Variants in CCDC12 observed in about 807,000 individuals in gnomAD.
CCDC12 encodes the protein coiled-coil domain-containing protein 12.
CCDC12 carries 28 observed loss-of-function variants against 25.7 expected under a neutral mutation model. The observed-to-expected ratio is 1.09, with a 90% confidence interval of 0.81 to 1.50. CCDC12 has a LOEUF of 1.50. Ranked by LOEUF, CCDC12 falls within the 40% of genes most tolerant of loss-of-function variation. CCDC12 has a pLI of 0.00. For missense variants in CCDC12, 198 were observed against 210.0 expected (o/e 0.94, Z 0.35); for synonymous variants, 75 against 87.7 (o/e 0.86, Z 0.81).
At chr3:46,957,271 A>C (rs374015169) in intron 1 of CCDC12, among the ~76,000 whole-genome samples, 3 of 152,332 alleles carry the variant, frequency 2.0e-5, no homozygotes, top group African/African-American at 7.2e-5. Context: ...ATTCCAGGGC[A>C]CAGGGCAACA....
intron 2 of CCDC12, among the ~76,000 whole-genome samples, chr3:46,930,943 C>A (rs1433106087): frequency 6.6e-6 from 1 of 152,138 alleles, no homozygotes; most frequent in Non-Finnish European, 1.5e-5. Flanking sequence ...CCTAAATGCA[C>A]CAGGCAGCTC....
intron 2 of CCDC12, among the ~76,000 whole-genome samples, chr3:46,931,190 T>A (rs116680732): frequency 6.6e-6 from 1 of 152,200 alleles, no homozygotes. Flanking sequence ...TTGCATTCCA[T>A]AGAGTTTCCT....
At chr3:46,930,589 C>T (rs1467000504) in intron 2 of CCDC12, among the ~76,000 whole-genome samples, 1 of 152,232 alleles carries the variant, frequency 6.6e-6, no homozygotes, top group Non-Finnish European at 1.5e-5. Flanking sequence ...TGCTGTCTCT[C>T]CACAGGAGCA....
Position 46,964,812 on chromosome 3 carries a change from T to C in CCDC12, c.96+11825A>G, listed in dbSNP as rs530764712. On this transcript the variant is annotated intron_variant, in intron 1 of 6. Transcript: ENST00000683445. Reference sequence around the variant, plus strand: ...CTCAAGTACCCAGGGACACAAACACTGCTGAAGGCCGCAGGGTCCTCTGCC... The same window carrying C: ...CTCAAGTACCCAGGGACACAAACACCGCTGAAGGCCGCAGGGTCCTCTGCC... Among the ~76,000 whole-genome samples, 317 of 152,254 alleles carry C rather than the reference T, an allele frequency of 2.1e-3. 2 individuals are homozygous for C. The highest frequency in any genetic ancestry group is 7.3e-3 in the African/African-American group (304 of 41,540).
At chr3:46,969,441 C>A (rs1192044132) in intron 1 of CCDC12, among the ~76,000 whole-genome samples, 5 of 152,148 alleles carry the variant, frequency 3.3e-5, no homozygotes, top group African/African-American at 9.7e-5. Flanking sequence ...TTATGTTGCC[C>A]ATGCTGGTCT....
chr3:46,947,136 T>C (rs777398668), intron 1 of CCDC12, among the ~76,000 whole-genome samples: 6 of 152,164 alleles, frequency 3.9e-5, no homozygotes, highest in Non-Finnish European at 7.3e-5. Flanking sequence ...CTGCCCTCTG[T>C]TCAAAAGTTA....
At chr3:46,925,773 A>G (rs1481853304) in intron 2 of CCDC12, among the ~76,000 whole-genome samples, 3 of 152,208 alleles carry the variant, frequency 2.0e-5, no homozygotes. Flanking sequence ...CTGTTGGAGT[A>G]CGGTTCTCTT....
chr3:46,945,313 G>A (rs2033861544), intron 1 of CCDC12, among the ~76,000 whole-genome samples: 3 of 152,246 alleles, frequency 2.0e-5, no homozygotes, highest in Non-Finnish European at 4.4e-5. Flanking sequence ...GATGGCTGGA[G>A]GGCAGGAGAG....
At chr3:46,978,964 CAG>C (rs1306856173), upstream of CCDC12, among the ~76,000 whole-genome samples, 1 of 152,138 alleles carries the variant, frequency 6.6e-6, no homozygotes, top group African/African-American at 2.4e-5. Flanking sequence ...GCCTGGGCGA[CAG>C]AGTGAGACTC....
intron 1 of CCDC12, among the ~76,000 whole-genome samples, 158 bp from the exon 2 acceptor site, chr3:46,941,223 C>A (rs1422811904): frequency 6.6e-6 from 1 of 152,206 alleles, no homozygotes; most frequent in Admixed American, 6.5e-5. Flanking sequence ...CCTGCTGCAT[C>A]TCATAGGCAC....
At chr3:46,979,496 C>T (rs976749194), upstream of CCDC12, 8 of 171,238 alleles carry the variant, frequency 4.7e-5, no homozygotes, top group African/African-American at 4.7e-5. Flanking sequence ...CCCGGAGGCT[C>T]AGGCTGGCCC....
intron 1 of CCDC12, among the ~76,000 whole-genome samples, chr3:46,964,232 C>CT (rs2034565386): frequency 6.6e-6 from 1 of 151,844 alleles, no homozygotes; most frequent in African/African-American, 2.4e-5. Context: ...GCTGCCCCGT[C>CT]TGAGAAGTGA....
chr3:46,950,263 A>G (rs1312835071), intron 1 of CCDC12, among the ~76,000 whole-genome samples: 1 of 152,016 alleles, frequency 6.6e-6, no homozygotes, highest in Non-Finnish European at 1.5e-5. Context: ...GCTGGGAAAC[A>G]GAAGGCCTAT....
chr3:46,934,235 C>T (rs532150821), intron 2 of CCDC12, among the ~76,000 whole-genome samples: 1 of 152,256 alleles, frequency 6.6e-6, no homozygotes, highest in African/African-American at 2.4e-5. Context: ...GCATAGCCCA[C>T]TGCCCCTCAC....
chr3:46,971,496 G>A (rs540609019), intron 1 of CCDC12, among the ~76,000 whole-genome samples: 5 of 152,326 alleles, frequency 3.3e-5, no homozygotes, highest in South Asian at 2.1e-4. Flanking sequence ...TGACCAGGAC[G>A]TCTTTGTAAA....
chr3:46,930,884 C>T (rs567127231), intron 2 of CCDC12, among the ~76,000 whole-genome samples: 118 of 152,244 alleles, frequency 7.8e-4, no homozygotes, highest in African/African-American at 2.8e-3. Flanking sequence ...AGGCCCCACT[C>T]CATGCACGTG....
intron 1 of CCDC12, among the ~76,000 whole-genome samples, chr3:46,975,119 C>T (rs1438296144): frequency 6.6e-6 from 1 of 151,946 alleles, no homozygotes; most frequent in Non-Finnish European, 1.5e-5. Flanking sequence ...AAAATGCTTC[C>T]GAATATGGCA....
intron 1 of CCDC12, among the ~76,000 whole-genome samples, chr3:46,951,775 G>A (rs1396934949): frequency 7.4e-4 from 4 of 5,392 alleles, no homozygotes; most frequent in African/African-American, 1.0e-3. Context: ...ACGAGACTCC[G>A]TCTCAAAAAA....
chr3:46,950,640 T>G (rs1317560746), intron 1 of CCDC12, among the ~76,000 whole-genome samples: 1 of 152,170 alleles, frequency 6.6e-6, no homozygotes, highest in Non-Finnish European at 1.5e-5. Context: ...GTAACAACAT[T>G]CATGTGAATG....
Sources: gnomAD v4.1 joint callset for allele counts (sites outside exome capture counted in the v4.1 genomes callset) on GRCh38, gnomAD v4.1.1 for gene constraint, MANE v1.5 for transcripts, NCBI Gene and HGNC (gene_info 2026-07-23, HGNC 2026-07-21) for gene names.